Variants in ARSG observed in about 807,000 individuals in gnomAD.
The protein encoded by ARSG is arylsulfatase G.
In ARSG, 37 loss-of-function variants were observed where a neutral mutation model predicts 50.5. That is an observed-to-expected ratio of 0.73 (90% CI 0.56 to 0.96). The LOEUF (loss-of-function observed/expected upper bound fraction) is 0.96. Ranked by LOEUF, ARSG falls within the 50% of genes least tolerant of loss-of-function variation. The probability of loss-of-function intolerance (pLI) is 0.00; values close to 1 mark genes in which losing one functional copy is unlikely to be tolerated. For missense variants in ARSG, 629 were observed against 675.3 expected (o/e 0.93, Z 0.76); for synonymous variants, 225 against 254.6 (o/e 0.88, Z 1.11).
upstream of ARSG, among the ~76,000 whole-genome samples, chr17:68,289,815 A>G (rs1454144601): frequency 2.0e-5 from 3 of 152,198 alleles, no homozygotes; most frequent in South Asian, 2.1e-4. Context: ...CACAGAAGGA[A>G]AACTCAGGGT....
intron 9 of ARSG, 113 bp downstream of exon 9, chr17:68,385,285 GGC>G: frequency 1.2e-6 from 1 of 859,214 alleles, no homozygotes; most frequent in Non-Finnish European, 1.9e-6. Flanking sequence ...GGTGGCTAGA[GGC>G]CTCAGGAAGG....
At chr17:68,424,238 A>G (rs2082997041), downstream of ARSG, among the ~76,000 whole-genome samples, 1 of 152,206 alleles carries the variant, frequency 6.6e-6, no homozygotes. Flanking sequence ...CTTGCCAGCC[A>G]CGTCTCTGAC....
intron 2 of ARSG, among the ~76,000 whole-genome samples, chr17:68,343,041 T>C (rs2078340632): frequency 6.6e-6 from 1 of 152,224 alleles, no homozygotes; most frequent in African/African-American, 2.4e-5. Context: ...ATAAATAAGA[T>C]TGAATTTGTT....
At chr17:68,411,027 T>A (rs57929892) in intron 11 of ARSG, among the ~76,000 whole-genome samples, 2,929 of 152,034 alleles carry the variant, frequency 0.019, 95 homozygotes, top group African/African-American at 0.065. Context: ...TTTCTTTATT[T>A]GTCTTGCTAG....
intron 2 of ARSG, among the ~76,000 whole-genome samples, chr17:68,328,259 A>G (rs1378393299): frequency 6.6e-6 from 1 of 151,842 alleles, no homozygotes; most frequent in Non-Finnish European, 1.5e-5. Context: ...GTTGCCTGCC[A>G]TGAATTTTAA....
At chr17:68,334,076 TGGAG>T in intron 2 of ARSG, among the ~76,000 whole-genome samples, 1 of 152,298 alleles carries the variant, frequency 6.6e-6, no homozygotes, top group Admixed American at 6.5e-5. Context: ...CCTGAGGTTC[TGGAG>T]GGAGGACCTC....
intron 1 of ARSG, among the ~76,000 whole-genome samples, chr17:68,284,531 A>G (rs1555753827): frequency 1.3e-5 from 2 of 152,222 alleles, no homozygotes; most frequent in East Asian, 1.9e-4. Context: ...TGTTGGGTCA[A>G]AGTTACTAAG....
the ARSG span, among the ~76,000 whole-genome samples, chr17:68,445,506 G>A: frequency 4.0e-5 from 6 of 148,998 alleles, no homozygotes; most frequent in Admixed American, 1.3e-4. Context: ...GAAGGGCTTC[G>A]GCCCCATTTG....
intron 1 of ARSG, among the ~76,000 whole-genome samples, chr17:68,260,457 C>CAG (rs1481767505): frequency 1.3e-5 from 2 of 152,102 alleles, no homozygotes; most frequent in African/African-American, 4.8e-5. Context: ...AGTCTATATA[C>CAG]TTCTGCCTTA....
chr17:68,384,875 A>G (rs756302253), intron 8 of ARSG, among the ~76,000 whole-genome samples, 189 bp from the exon 9 acceptor site: 2 of 152,246 alleles, frequency 1.3e-5, no homozygotes, highest in African/African-American at 2.4e-5. Context: ...TCTGAAGTCC[A>G]GTAAAATAAA....
At chr17:68,432,749 C>A in the ARSG span, among the ~76,000 whole-genome samples, 1 of 152,162 alleles carries the variant, frequency 6.6e-6, no homozygotes, top group South Asian at 2.1e-4. Context: ...CCTGATCCTG[C>A]CTTTCTCTGC....
intron 11 of ARSG, among the ~76,000 whole-genome samples, chr17:68,418,769 C>T (rs2082554420): frequency 6.6e-6 from 1 of 152,112 alleles, no homozygotes; most frequent in African/African-American, 2.4e-5. Flanking sequence ...ACAGGGTCCC[C>T]TGTAGGAGAA....
At chr17:68,366,559 A>T (rs2146667383) in intron 6 of ARSG, among the ~76,000 whole-genome samples, 1 of 152,214 alleles carries the variant, frequency 6.6e-6, no homozygotes, top group South Asian at 2.1e-4. Context: ...ACTGCAAATC[A>T]TTGCTGTACG....
chr17:68,434,801 T>C, the ARSG span, among the ~76,000 whole-genome samples: 2 of 152,130 alleles, frequency 1.3e-5, no homozygotes, highest in African/African-American at 4.8e-5. Flanking sequence ...TCTTGGAAAA[T>C]GTTATAAACA....
At chr17:68,338,988 AG>A (rs749072199) in intron 2 of ARSG, among the ~76,000 whole-genome samples, 11 of 152,242 alleles carry the variant, frequency 7.2e-5, no homozygotes, top group Non-Finnish European at 1.3e-4. Context: ...GTTATAAATC[AG>A]TAGCTTTCTC....
intron 9 of ARSG, among the ~76,000 whole-genome samples, chr17:68,388,688 A>G (rs1036611337): frequency 2.4e-4 from 37 of 152,146 alleles, no homozygotes; most frequent in Admixed American, 2.3e-3. Context: ...GCACTTTGGG[A>G]GGCCGAGGCG....
At chr17:68,450,845 C>T in the ARSG span, 1 of 1,614,168 alleles carries the variant, frequency 6.2e-7, no homozygotes, top group South Asian at 1.1e-5. Flanking sequence ...TGACTACCAC[C>T]ACCAGGCTGC....
intron 5 of ARSG, among the ~76,000 whole-genome samples, chr17:68,354,412 C>CAAAAAAAA (rs1011747696): frequency 1.0e-5 from 1 of 95,268 alleles, no homozygotes; most frequent in African/African-American, 4.3e-5. Context: ...GATCCTGTCT[C>CAAAAAAAA]AAAAAAAAAA....
At chr17:68,413,651 G>T (rs2082158316) in intron 11 of ARSG, 1 of 155,486 alleles carries the variant, frequency 6.4e-6, no homozygotes, top group African/African-American at 2.4e-5. Flanking sequence ...CCCAGTTCGA[G>T]CTTCCCGGCT....
Sources: allele counts gnomAD v4.1 joint callset (sites outside exome capture counted in the v4.1 genomes callset), GRCh38; gene constraint gnomAD v4.1.1; transcripts MANE v1.5; gene names NCBI Gene and HGNC (gene_info 2026-07-23, HGNC 2026-07-21).